The following PITRM1 variants were observed in gnomAD, a reference collection of about 807,000 sequenced individuals.
The protein encoded by PITRM1 is pitrilysin metallopeptidase 1.
In PITRM1, 100 loss-of-function variants were observed where a neutral mutation model predicts 129.9. The observed-to-expected ratio is 0.77, with a 90% CI of 0.65 to 0.91. PITRM1 has a LOEUF of 0.91. Among genes scored for constraint, PITRM1 ranks in the 40% least tolerant of loss-of-function variants. The pLI, the probability that PITRM1 is intolerant of heterozygous loss-of-function variation, is 0.00. For synonymous variants in PITRM1, 591 were observed against 508.8 expected (o/e 1.16, Z -2.17); for missense variants, 1,471 against 1,318.3 (o/e 1.12, Z -1.79).
chr10:3,159,162 A>G (rs1342890136), intron 9 of PITRM1, 120 bp from the exon 10 acceptor site: 2 of 901,914 alleles, frequency 2.2e-6, no homozygotes, highest in East Asian at 5.4e-5. Context: ...GCATTTCAAC[A>G]TTTAACAATT....
chr10:3,155,953 T>G (rs1375469394), intron 13 of PITRM1, among the ~76,000 whole-genome samples: 1 of 152,160 alleles, frequency 6.6e-6, no homozygotes, highest in Non-Finnish European at 1.5e-5. Flanking sequence ...AGCACAGAAT[T>G]CATATATGCT....
intron 6 of PITRM1, among the ~76,000 whole-genome samples, chr10:3,164,506 T>G (rs1842705144): frequency 6.6e-6 from 1 of 152,122 alleles, no homozygotes; most frequent in Non-Finnish European, 1.5e-5. Context: ...TTGTAAAAAA[T>G]CAGACCTTGG....
intron 4 of PITRM1, 51 bp from the exon 5 acceptor site, chr10:3,165,578 A>C: frequency 9.4e-7 from 1 of 1,069,398 alleles, no homozygotes; most frequent in South Asian, 1.3e-5. Flanking sequence ...TTTCTACTAA[A>C]ATTATTGACT....
At chr10:3,171,588 T>C (rs1349861299) in intron 1 of PITRM1, among the ~76,000 whole-genome samples, 1 of 152,148 alleles carries the variant, frequency 6.6e-6, no homozygotes, top group Admixed American at 6.5e-5. Flanking sequence ...CTACAAGTGC[T>C]CACTACTACG....
intron 1 of PITRM1, 40 bp downstream of exon 1, chr10:3,172,653 CCTGCCCTGGACCCTCCCCTCCCGG>C (rs1843487655): frequency 4.2e-6 from 6 of 1,439,024 alleles, no homozygotes; most frequent in African/African-American, 1.5e-5. Flanking sequence ...ACGCCTCCGG[CCTGCCCTGGACCCTCCCCTCCCGG>C]GTACCAGCGC....
chr10:3,160,768 T>C (rs1047712937), intron 7 of PITRM1, among the ~76,000 whole-genome samples: 5 of 150,424 alleles, frequency 3.3e-5, no homozygotes, highest in African/African-American at 1.2e-4. Context: ...GGTGGGGGGT[T>C]TTTTTTTTTG....
In PITRM1 at chr10:3,147,256, C is replaced by T. The variant is rs768994675; in HGVS notation, c.2236-6G>A. 1.2e-6 allele frequency: 2 copies of T among 1,602,018 alleles called. No individual in the cohort carries two copies. The highest frequency in any genetic ancestry group is 1.7e-6 in the Non-Finnish European group (2 of 1,169,732). ...ATCCTCTTCATCAGCCGCACCTAAG[C>T]CAGAGGAAACTCGCTCAGAGAGAGG... On this transcript the variant is annotated splice_polypyrimidine_tract_variant and splice_region_variant and intron_variant, in intron 19 of 26. Transcript: ENST00000224949.
chr10:3,140,398 C>T (rs181215651), intron 24 of PITRM1, among the ~76,000 whole-genome samples: 4 of 152,236 alleles, frequency 2.6e-5, no homozygotes, highest in East Asian at 1.9e-4. Flanking sequence ...GGTAATAAAC[C>T]ATGGAAGGCA....
chr10:3,165,619 C>A, intron 4 of PITRM1, 92 bp from the exon 5 acceptor site: 1 of 784,266 alleles, frequency 1.3e-6, no homozygotes, highest in Non-Finnish European at 2.1e-6. Context: ...TGTCCTAGGA[C>A]AGTAAGCTGT....
intron 23 of PITRM1, 167 bp downstream of exon 23, chr10:3,143,222 A>G (rs1027885319): frequency 3.8e-5 from 23 of 601,438 alleles, no homozygotes; most frequent in Non-Finnish European, 6.3e-5. Flanking sequence ...GTTCACAAAG[A>G]CTGCTGGTTA....
chr10:3,172,721 CGCTCAGCCGCCTCAGCACACACAG>C lies in PITRM1; in HGVS notation c.28_51del (p.Leu10_Ser17del), dbSNP rs1554805506. ...CCTCCCGTCGCAGCGTCTCACCCGC[CGCTCAGCCGCCTCAGCACACACAG>C]GCCCTGCCGCCCGCCGCAGCGCCAC... On this transcript the variant is annotated inframe_deletion, in exon 1 of 27. Transcript: ENST00000224949. The C allele has an allele frequency of 6.5e-7, 1 of 1,541,720 alleles. No homozygotes were observed. The highest frequency in any genetic ancestry group is 8.7e-7 in the Non-Finnish European group (1 of 1,144,040).
Position 3,143,412 on chromosome 10 carries a change from G to A in PITRM1, c.2622C>T (p.Pro874=), listed in dbSNP as rs538742769. 12 of 1,611,932 alleles carry A rather than the reference G, an allele frequency of 7.4e-6. No homozygotes were observed. In the African/African-American group the frequency reaches 8.0e-5, roughly 11 times the overall value. The change falls in exon 23 of 27, where the codon CCC becomes CCT. Residue 874 remains proline (P), a synonymous_variant. Coordinates refer to ENST00000224949, the MANE Select transcript of PITRM1 (RefSeq NM_014889.4). Reference sequence around the variant, plus strand: ...ACCTGGCATGATCTGGGTCCGTGTAGGGGACAGTTCGGATGCATTCACCCA... The same window carrying A: ...ACCTGGCATGATCTGGGTCCGTGTAAGGGACAGTTCGGATGCATTCACCCA... The part of the protein sequence containing the change: ...NYVGECIRTV[P]YTDPDHASLK...
In PITRM1 at chr10:3,151,265, A is replaced by G. The variant is rs552527048; in HGVS notation, c.1720T>C (p.Leu574=). 1 of 1,601,070 alleles carries G rather than the reference A, an allele frequency of 6.2e-7. No homozygotes were observed. Among genetic ancestry groups the G allele is most frequent in the East Asian group, 2.2e-5 (1 of 44,728 alleles). Residue 574 remains leucine (L), a synonymous_variant, in exon 15 of 27, where the codon TTG becomes CTG. Transcript: ENST00000224949. ...DIEPTIPVTE[L]DVVLTAGDIP... is the part of the protein sequence containing the mutation. ...CAGTGACCTGTCAGGACCACGTCCA[A>G]CTCTGTGACAGGTATGGTGGGTTCA... is the stretch of plus-strand genomic sequence containing the variant.
chr10:3,164,044 C>T, intron 6 of PITRM1, 159 bp from the exon 7 acceptor site: 1 of 406,366 alleles, frequency 2.5e-6, no homozygotes, highest in Non-Finnish European at 4.4e-6. Context: ...AAAAAACACC[C>T]ACGCAGGCAT....
chr10:3,167,103 A>T (rs1588719031), intron 2 of PITRM1, 61 bp from the exon 3 acceptor site: 1 of 951,292 alleles, frequency 1.1e-6, no homozygotes, highest in East Asian at 2.6e-5. Context: ...TGAAATGGTT[A>T]TGTTCGACAC....
rs79589507 is a variant in PITRM1 at position 3,137,831 on chromosome 10, C to A, written c.*200G>T. On this transcript the variant is annotated 3_prime_UTR_variant, in exon 27 of 27. Coordinates refer to ENST00000224949, the MANE Select transcript of PITRM1 (RefSeq NM_014889.4). The stretch of plus-strand genomic sequence containing the variant: ...AAAATTCTACATGGTGCATCTTTGG[C>A]GCTTCATGCATGATTATTTCAATGA... 3.5e-6 allele frequency: 2 copies of A among 566,746 alleles called. No individual in the cohort carries two copies. Among genetic ancestry groups the A allele is most frequent in the Non-Finnish European group, 3.2e-6 (1 of 316,720 alleles). 35.1% of individuals were successfully genotyped at this position (566,746 alleles called of 1,614,324 possible).
At chr10:3,171,792 C>CA (rs754278430) in intron 1 of PITRM1, among the ~76,000 whole-genome samples, 1 of 152,092 alleles carries the variant, frequency 6.6e-6, no homozygotes, top group Non-Finnish European at 1.5e-5. Context: ...TGTAACCCCG[C>CA]AATGCGAGAG....
rs1208754698 is a variant in PITRM1, at chr10:3,138,345, A to G, written c.2918-8T>C. 1.2e-5 allele frequency: 20 copies of G among 1,603,326 alleles called. No homozygotes were observed. The highest frequency in any genetic ancestry group is 1.7e-5 in the Non-Finnish European group (20 of 1,170,590). On this transcript the variant is annotated splice_polypyrimidine_tract_variant and splice_region_variant and intron_variant, in intron 25 of 26. Transcript: ENST00000224949. The stretch of plus-strand genomic sequence containing the variant: ...ACAAGAAGTGGTCCATTCCTAGAAG[A>G]CAATCCACAGGCACGATGGAGCCGC...
Position 3,147,189 on chromosome 10 carries a change from G to C in PITRM1, c.2297C>G (p.Pro766Arg). Residue 766 changes from proline to arginine, a missense_variant, in exon 20 of 27, where the codon CCG (proline) becomes CGG (arginine). By Grantham distance (103) the Pro-to-Arg change is moderately radical. Transcript: ENST00000224949. ...ATTTAACAAGTGTTTCTTGATACGCGGGAGCTTCCTCAGGATGGGTTTGAT... is the reference window on the plus strand; with the variant it reads ...ATTTAACAAGTGTTTCTTGATACGCCGGAGCTTCCTCAGGATGGGTTTGAT... The part of the protein sequence containing the change: ...TDIKPILRKL[P>R]RIKKHLLNGD... 1 of 1,608,542 alleles carries C rather than the reference G, an allele frequency of 6.2e-7. No homozygotes were observed. Among genetic ancestry groups the C allele is most frequent in the Non-Finnish European group, 8.5e-7 (1 of 1,175,118 alleles).
Sources: allele counts gnomAD v4.1 joint callset (sites outside exome capture counted in the v4.1 genomes callset), GRCh38; gene constraint gnomAD v4.1.1; transcripts MANE v1.5; gene names NCBI Gene and HGNC (gene_info 2026-07-23, HGNC 2026-07-21).